Variants in MTMR9 observed in about 807,000 individuals in gnomAD.
The protein encoded by MTMR9 is myotubularin-related protein 9.
A neutral mutation model predicts 69.5 loss-of-function variants in MTMR9; 39 were observed. That is an observed-to-expected ratio of 0.56 (90% CI 0.43 to 0.73). The LOEUF is 0.73. Among genes scored for constraint, MTMR9 ranks in the 30% least tolerant of loss-of-function variants. The probability of loss-of-function intolerance (pLI) is 0.00; values close to 1 mark genes in which losing one functional copy is unlikely to be tolerated. For missense variants in MTMR9, 900 were observed against 671.2 expected (o/e 1.34, Z -3.77); for synonymous variants, 354 against 240.8 (o/e 1.47, Z -4.35).
At chr8:11,311,567 C>A (rs887369510) in intron 6 of MTMR9, among the ~76,000 whole-genome samples, 4 of 152,218 alleles carry the variant, frequency 2.6e-5, no homozygotes, top group African/African-American at 9.6e-5. Flanking sequence ...AAACAATATA[C>A]ATACCTGAAT....
chr8:11,287,654 A>AAT (rs1213320517), intron 1 of MTMR9, among the ~76,000 whole-genome samples: 1 of 143,334 alleles, frequency 7.0e-6, no homozygotes, highest in Non-Finnish European at 1.5e-5. Flanking sequence ...TCCAGAAATA[A>AAT]ATATATATAT....
At chr8:11,310,516 T>C (rs1018082721) in intron 6 of MTMR9, among the ~76,000 whole-genome samples, 24 of 152,130 alleles carry the variant, frequency 1.6e-4, no homozygotes, top group Admixed American at 1.5e-3. Context: ...GTTGCTGAAA[T>C]CATGTGGTAA....
In MTMR9 at chr8:11,291,589, A is replaced by G. The variant is rs183828033; in HGVS notation, c.183-3605A>G. On this transcript the variant is annotated intron_variant, in intron 1 of 9. Transcript: ENST00000221086. ...AGTAACTGACTAGAAACATTGAATA[A>G]ATGAATGGAGAATACCTTAATAGTT... Among the ~76,000 whole-genome samples, 481 of 152,232 alleles carry G rather than the reference A, an allele frequency of 3.2e-3. 3 individuals carry two copies. Among genetic ancestry groups the G allele is most frequent in the African/African-American group, 0.011 (464 of 41,558 alleles).
Position 11,285,076 on chromosome 8 carries a change from T to G in MTMR9, c.182+6T>G. 6.3e-7 allele frequency: 1 copy of G among 1,575,748 alleles called. No individual in the cohort carries two copies. On this transcript the variant is annotated splice_donor_region_variant and intron_variant, in intron 1 of 9. Coordinates refer to ENST00000221086, the MANE Select transcript of MTMR9 (RefSeq NM_015458.4). The stretch of plus-strand genomic sequence containing the variant: ...ATCGACGCCATCGACAAGCGGTGAG[T>G]GCCCGCCCCACCCCAGCTCCGCAGG...
intron 1 of MTMR9, among the ~76,000 whole-genome samples, chr8:11,290,115 A>G (rs1431935557): frequency 6.6e-6 from 1 of 152,142 alleles, no homozygotes; most frequent in African/African-American, 2.4e-5. Context: ...CTTTCTTACC[A>G]ACATTTGGTA....
At chr8:11,291,002 T>C (rs569696594) in intron 1 of MTMR9, among the ~76,000 whole-genome samples, 1 of 152,098 alleles carries the variant, frequency 6.6e-6, no homozygotes, top group East Asian at 1.9e-4. Flanking sequence ...TTGCAAAAAT[T>C]GCACATAGAG....
chr8:11,306,937 G>T (rs1312716793), intron 5 of MTMR9, among the ~76,000 whole-genome samples: 1 of 152,094 alleles, frequency 6.6e-6, no homozygotes, highest in African/African-American at 2.4e-5. Context: ...AGTTTAACTT[G>T]TTTAGATTCC....
chr8:11,331,748 C>G (rs377536737), downstream of MTMR9: 12 of 1,611,870 alleles, frequency 7.4e-6, no homozygotes, highest in Non-Finnish European at 1.0e-5. Context: ...GTTCTCTGCA[C>G]TTTCCCTCCT....
chr8:11,332,215 T>A, downstream of MTMR9: 1 of 1,494,738 alleles, frequency 6.7e-7, no homozygotes, highest in South Asian at 1.3e-5. Context: ...AAAAAATAAT[T>A]ATAATAAATC....
chr8:11,295,149 T>C (rs762395444), intron 1 of MTMR9, 45 bp from the exon 2 acceptor site: 3 of 952,550 alleles, frequency 3.1e-6, no homozygotes. Context: ...ATATTTAAAG[T>C]TAGTAATATA....
chr8:11,336,802 C>G, the MTMR9 span, among the ~76,000 whole-genome samples: 2 of 152,190 alleles, frequency 1.3e-5, no homozygotes, highest in Non-Finnish European at 2.9e-5. Context: ...ATCGGAATCA[C>G]CTGCACATAC....
chr8:11,316,601 G>C, intron 7 of MTMR9, 72 bp from the exon 8 acceptor site: 2 of 917,748 alleles, frequency 2.2e-6, no homozygotes, highest in South Asian at 1.8e-5. Flanking sequence ...ATTGTGTATA[G>C]TGGTGTCGGT....
At chr8:11,298,920 G>A (rs868692203) in intron 2 of MTMR9, 13 of 962,920 alleles carry the variant, frequency 1.4e-5, no homozygotes, top group Middle Eastern at 5.3e-4. Context: ...GCCCCCATTT[G>A]AGAATGGATC....
chr8:11,333,958 A>C, the MTMR9 span, among the ~76,000 whole-genome samples: 1 of 152,224 alleles, frequency 6.6e-6, no homozygotes, highest in Non-Finnish European at 1.5e-5. Flanking sequence ...TGCCATTATC[A>C]TGGGAGTGAG....
At position 11,300,184 on chromosome 8, in the gene MTMR9, G is replaced by C. The variant is rs757461212; in HGVS notation, c.417+36G>C. On this transcript the variant is annotated intron_variant, in intron 3 of 9. Coordinates refer to ENST00000221086, the MANE Select transcript of MTMR9 (RefSeq NM_015458.4). ...TTTTGAGAACTGTGGATTATGAGAA[G>C]TAACCCAATACCTTATTTGACTTGT... 9.3e-6 allele frequency: 15 copies of C among 1,606,008 alleles called. No homozygotes were observed. The East Asian group carries it at 3.4e-4, about 36-fold the overall frequency.
At chr8:11,332,342 T>C (rs1216400144), downstream of MTMR9, 1 of 834,780 alleles carries the variant, frequency 1.2e-6, no homozygotes, top group Non-Finnish European at 1.7e-6. Flanking sequence ...TTTACAGGAA[T>C]AAAATTAATT....
At position 11,323,163 on chromosome 8, in the gene MTMR9, C is replaced by G. The variant is rs1800774148; in HGVS notation, c.*375C>G. 6.4e-6 allele frequency: 1 copy of G among 155,454 alleles called. No homozygotes were observed. The allele number at this position is 155,454 out of a possible 1,614,324, so 9.6% of individuals were successfully genotyped here. ...AGGAGACAGCTAATCTCTCTAGGGA[C>G]TATTTGGTGGTTTAAAAAAAGGGTC... On this transcript the variant is annotated 3_prime_UTR_variant, in exon 10 of 10. Coordinates refer to ENST00000221086, the MANE Select transcript of MTMR9 (RefSeq NM_015458.4).
At position 11,326,117 on chromosome 8, in the gene MTMR9, AT is replaced by A. The variant is rs1272481286; in HGVS notation, c.*3332del. 6.6e-6 allele frequency: 1 copy of A among 152,234 alleles called. No individual in the cohort carries two copies. Among genetic ancestry groups the A allele is most frequent in the Non-Finnish European group, 1.5e-5 (1 of 68,044 alleles). The allele number at this position is 152,234 out of a possible 1,614,324, so 9.4% of individuals were successfully genotyped here. Reference sequence around the variant, plus strand: ...GTATCATGGAAAAGATATGACCATAATTTAGTCTCCTCAAGTGAAAAACAGG... The same window carrying A: ...GTATCATGGAAAAGATATGACCATAATTAGTCTCCTCAAGTGAAAAACAGG... On this transcript the variant is annotated 3_prime_UTR_variant, in exon 10 of 10. Coordinates refer to ENST00000221086, the MANE Select transcript of MTMR9 (RefSeq NM_015458.4).
chr8:11,310,186 AC>A (rs1800140791), intron 6 of MTMR9, among the ~76,000 whole-genome samples: 1 of 152,194 alleles, frequency 6.6e-6, no homozygotes, highest in Admixed American at 6.5e-5. Context: ...AGTTGAGAAC[AC>A]CTAGTGGTAG....
Sources: gnomAD v4.1 joint callset for allele counts (sites outside exome capture counted in the v4.1 genomes callset) on GRCh38, gnomAD v4.1.1 for gene constraint, MANE v1.5 for transcripts, NCBI Gene and HGNC (gene_info 2026-07-23, HGNC 2026-07-21) for gene names.